The following TCTN2 variants were observed in gnomAD, a reference collection of about 807,000 sequenced individuals.
TCTN2 encodes tectonic-2.
A neutral mutation model predicts 83.4 loss-of-function variants in TCTN2; 66 were observed. The observed-to-expected ratio is 0.79, with a 90% CI of 0.65 to 0.97. The LOEUF (loss-of-function observed/expected upper bound fraction) is 0.97. TCTN2 is among the 50% of genes least tolerant of loss of function. TCTN2 has a pLI of 0.00. For synonymous variants in TCTN2, 301 were observed against 326.7 expected, an observed-to-expected ratio of 0.92 and a Z score of 0.85; for missense variants, 794 against 858.1, an observed-to-expected ratio of 0.93 and a Z score of 0.93.
intron 17 of TCTN2, 179 bp downstream of exon 17, chr12:123,707,252 C>T: frequency 1.5e-6 from 1 of 655,922 alleles, no homozygotes; most frequent in Non-Finnish European, 2.6e-6. Flanking sequence ...TTTCTACCTA[C>T]ACTGTTTTTT....
At position 123,706,045 on chromosome 12, in the gene TCTN2, C is replaced by T. The variant is rs762133161; in HGVS notation, c.1770-681C>T. Among the ~76,000 whole-genome samples the T allele has an allele frequency of 9.9e-5, 15 of 152,206 alleles. No individual in the cohort carries two copies. The Middle Eastern group carries it at 0.014, about 138-fold the overall frequency. ...TGCTGGGATTACAGGCATGAGTCAC[C>T]GTGCCCGGCCCCTCCTCTTTCTCAA... is the stretch of plus-strand genomic sequence containing the variant. On this transcript the variant is annotated intron_variant, in intron 15 of 17. Transcript: ENST00000303372.
rs760329265 is a variant in TCTN2 at position 123,696,385 on chromosome 12, G to A, written c.1313-30G>A. 3 of 1,584,992 alleles carry A rather than the reference G, an allele frequency of 1.9e-6. No homozygotes were observed. The South Asian group carries it at 3.3e-5, about 18-fold the overall frequency. On this transcript the variant is annotated intron_variant, in intron 11 of 17. Transcript: ENST00000303372. ...AGGGCTTGCTATGCTGGAGGAAACAGGCTCACGTTCCTTTGTTGTGTTTGT... is the reference window on the plus strand; with the variant it reads ...AGGGCTTGCTATGCTGGAGGAAACAAGCTCACGTTCCTTTGTTGTGTTTGT...
intron 5 of TCTN2, among the ~76,000 whole-genome samples, chr12:123,686,475 G>A (rs1308747610): frequency 2.0e-5 from 3 of 152,198 alleles, no homozygotes; most frequent in African/African-American, 2.4e-5. Context: ...CTAAGGGTTT[G>A]AATGGTAATG....
chr12:123,685,573 C>G (rs541497168), intron 5 of TCTN2, among the ~76,000 whole-genome samples: 5 of 151,818 alleles, frequency 3.3e-5, no homozygotes, highest in South Asian at 4.2e-4. Flanking sequence ...TGTGTGCCAC[C>G]ACGCCTGGCT....
At chr12:123,697,001 G>C in intron 12 of TCTN2, 86 bp from the exon 13 acceptor site, 1 of 1,085,692 alleles carries the variant, frequency 9.2e-7, no homozygotes, top group Non-Finnish European at 1.4e-6. Flanking sequence ...TCTACTTACT[G>C]TTTTCTGTTT....
chr12:123,681,408 C>T (rs777359818), intron 5 of TCTN2, among the ~76,000 whole-genome samples: 8 of 152,178 alleles, frequency 5.3e-5, no homozygotes, highest in Non-Finnish European at 1.0e-4. Context: ...CTATCTCCAT[C>T]CCTCATCCAA....
In TCTN2 at chr12:123,699,822, C is replaced by A. The variant is rs117614122; in HGVS notation, c.1612+12C>A. The stretch of plus-strand genomic sequence containing the variant: ...GCTCGAAATAATACGTAAGTCAAAC[C>A]CGGGTACAATAAAGCCTGTAACTTG... On this transcript the variant is annotated intron_variant, in intron 14 of 17. Transcript: ENST00000303372. The A allele has an allele frequency of 6.2e-7, 1 of 1,608,614 alleles. No homozygotes were observed.
chr12:123,696,012 T>G, intron 11 of TCTN2: 1 of 221,192 alleles, frequency 4.5e-6, no homozygotes, highest in Non-Finnish European at 9.1e-6. Context: ...CTCAGCAAAT[T>G]TTTGTACTTT....
chr12:123,693,015 A>AT (rs1956062344), intron 9 of TCTN2, among the ~76,000 whole-genome samples: 1 of 130,840 alleles, frequency 7.6e-6, no homozygotes, highest in African/African-American at 3.0e-5. Flanking sequence ...TAGTTAAATA[A>AT]TTCTTTTTTT....
intron 9 of TCTN2, 103 bp from the exon 10 acceptor site, chr12:123,694,739 G>T (rs1432167849): frequency 7.9e-7 from 1 of 1,264,744 alleles, no homozygotes; most frequent in Non-Finnish European, 1.1e-6. Context: ...GAGGGCAGGG[G>T]CAGGGCACTT....
chr12:123,687,106 C>T (rs1955981116), intron 6 of TCTN2, 71 bp downstream of exon 6: 1 of 1,576,596 alleles, frequency 6.3e-7, no homozygotes, highest in South Asian at 1.1e-5. Context: ...CTCTAGTAGG[C>T]CCTGCAACGC....
intron 7 of TCTN2, among the ~76,000 whole-genome samples, chr12:123,690,179 C>T (rs1956024590): frequency 6.6e-6 from 1 of 152,112 alleles, no homozygotes; most frequent in Non-Finnish European, 1.5e-5. Context: ...TTTCTCTTTC[C>T]TATTCATATG....
At chr12:123,681,256 C>CAAAAAAAAAAA (rs71088946) in intron 5 of TCTN2, among the ~76,000 whole-genome samples, 4 of 142,870 alleles carry the variant, frequency 2.8e-5, no homozygotes, top group African/African-American at 5.3e-5. Flanking sequence ...GACTCTCTTT[C>CAAAAAAAAAAA]AAAAAAAAAG....
chr12:123,695,075 A>C, intron 10 of TCTN2, 99 bp downstream of exon 10: 2 of 1,520,690 alleles, frequency 1.3e-6, no homozygotes, highest in South Asian at 2.3e-5. Context: ...ACTAAGTTGG[A>C]CTTGTTTCTT....
chr12:123,701,806 A>G (rs957784594), intron 14 of TCTN2, among the ~76,000 whole-genome samples: 1 of 152,180 alleles, frequency 6.6e-6, no homozygotes, highest in Non-Finnish European at 1.5e-5. Context: ...CCAGATAGAA[A>G]GACTTGACAG....
intron 6 of TCTN2, 45 bp downstream of exon 6, chr12:123,687,080 C>T (rs769216128): frequency 1.9e-6 from 3 of 1,610,164 alleles, no homozygotes; most frequent in Non-Finnish European, 2.5e-6. Flanking sequence ...TGTTCTCCCG[C>T]CCTGGTGGGG....
At chr12:123,697,827 A>G (rs1477667039) in intron 13 of TCTN2, among the ~76,000 whole-genome samples, 1 of 151,590 alleles carries the variant, frequency 6.6e-6, no homozygotes, top group African/African-American at 2.4e-5. Flanking sequence ...AGCTATGAAA[A>G]AGGCCAGAGC....
chr12:123,671,607 CGA>C lies in TCTN2; in HGVS notation c.185_186del (p.Glu62GlyfsTer15). 6 of 1,612,216 alleles carry C rather than the reference CGA, an allele frequency of 3.7e-6. No homozygotes were observed. Among genetic ancestry groups the C allele is most frequent in the Non-Finnish European group, 5.1e-6 (6 of 1,179,856 alleles). On this transcript the variant is annotated frameshift_variant, in exon 2 of 18. Coordinates refer to ENST00000303372, the MANE Select transcript of TCTN2 (RefSeq NM_024809.5). LOFTEE classifies it high-confidence loss of function. ...VTVSLAVLQD[E>X]AGILPIPTCG... ...CCGTGTCCCTGGCAGTGCTGCAGGA[CGA>C]GGCGGGTAAAGTCCGGCCCTCTTTT...
Position 123,671,606 on chromosome 12 carries a change from A to G in TCTN2, c.182A>G (p.Asp61Gly). 6.2e-7 allele frequency: 1 copy of G among 1,612,348 alleles called. No individual in the cohort carries two copies. Among genetic ancestry groups the G allele is most frequent in the East Asian group, 2.2e-5 (1 of 44,864 alleles). ...GVTVSLAVLQDEAGILPIPTC... is the reference protein window; with the variant it reads ...GVTVSLAVLQGEAGILPIPTC... ...ACCGTGTCCCTGGCAGTGCTGCAGG[A>G]CGAGGCGGGTAAAGTCCGGCCCTCT... is the stretch of plus-strand genomic sequence containing the variant. Residue 61 changes from aspartate to glycine, a missense_variant, in exon 2 of 18, where the codon GAC becomes GGC. By Grantham distance (94) the Asp-to-Gly change is moderately conservative (BLOSUM62 -1). Coordinates refer to ENST00000303372, the MANE Select transcript of TCTN2 (RefSeq NM_024809.5).
Sources: gnomAD v4.1 joint callset for allele counts (sites outside exome capture counted in the v4.1 genomes callset) on GRCh38, gnomAD v4.1.1 for gene constraint, MANE v1.5 for transcripts, NCBI Gene and HGNC (gene_info 2026-07-23, HGNC 2026-07-21) for gene names.